The following CHTF18 variants were observed in gnomAD, a reference collection of about 807,000 sequenced individuals.
CHTF18 encodes chromosome transmission fidelity factor 18, also known as chromosome transmission fidelity protein 18 homolog.
In CHTF18, 151 loss-of-function variants were observed where a neutral mutation model predicts 113.4. That is an observed-to-expected ratio of 1.33 (90% CI 1.17 to 1.52). The LOEUF (loss-of-function observed/expected upper bound fraction) is 1.52. Ranked by LOEUF, CHTF18 falls within the 40% of genes most tolerant of loss-of-function variation. The pLI is 0.00. For missense variants in CHTF18, 1,982 were observed against 1,381.6 expected (o/e 1.43, Z -6.89); for synonymous variants, 916 against 598.8 (o/e 1.53, Z -7.74).
chr16:789,230 A>G lies in CHTF18; in HGVS notation c.307A>G (p.Arg103Gly), dbSNP rs1286215303. 1.9e-6 allele frequency: 3 copies of G among 1,552,928 alleles called. No individual in the cohort carries two copies. Among genetic ancestry groups the G allele is most frequent in the Non-Finnish European group, 2.6e-6 (3 of 1,148,674 alleles). Residue 103 changes from arginine to glycine, a missense_variant, in exon 3 of 22, where the codon AGG (arginine) becomes GGG (glycine). Physicochemically the swap from Arg to Gly is moderately radical, Grantham distance 125. Transcript: ENST00000262315. ...LPHAPRIKRP[R>G]LQVVKRLNFR... Reference sequence around the variant, plus strand: ...CCCAGCCCCCAGGATCAAACGGCCTAGGCTGCAGGTGGTCAAGAGGCTGAA... The same window carrying G: ...CCCAGCCCCCAGGATCAAACGGCCTGGGCTGCAGGTGGTCAAGAGGCTGAA...
chr16:789,997 C>G, intron 4 of CHTF18, 180 bp from the exon 5 acceptor site: 1 of 1,535,398 alleles, frequency 6.5e-7, no homozygotes, highest in South Asian at 1.2e-5. Flanking sequence ...CCCCCAATTT[C>G]CCTTTGCAGC....
intron 4 of CHTF18, 81 bp from the exon 5 acceptor site, chr16:790,096 G>C (rs565158159): frequency 2.6e-6 from 4 of 1,540,004 alleles, no homozygotes; most frequent in Non-Finnish European, 3.5e-6. Context: ...TCCCACCCGG[G>C]TCCCTGAGCA....
At position 794,217 on chromosome 16, in the gene CHTF18, C is replaced by T; in HGVS notation, c.1950+16C>T. ...GGTGGTCCAGGTACCTGTCTTCCAC[C>T]AAAATGCCTGCCTGGGGCCGCCTGG... is the stretch of plus-strand genomic sequence containing the variant. On this transcript the variant is annotated intron_variant, in intron 15 of 21. Transcript: ENST00000262315. The T allele has an allele frequency of 1.9e-6, 3 of 1,606,812 alleles. No individual in the cohort carries two copies. The highest frequency in any genetic ancestry group is 1.7e-6 in the Non-Finnish European group (2 of 1,175,378).
At chr16:794,822 C>G (rs540684684) in intron 15 of CHTF18, 7 of 423,402 alleles carry the variant, frequency 1.7e-5, no homozygotes, top group Non-Finnish European at 3.0e-5. Context: ...GGCTGGATCC[C>G]TTTGGTTCCT....
chr16:790,114 G>A (rs2042145497), intron 4 of CHTF18, 63 bp from the exon 5 acceptor site: 1 of 1,544,046 alleles, frequency 6.5e-7, no homozygotes, highest in Non-Finnish European at 8.7e-7. Context: ...GCACTGATGG[G>A]GGCTGACGTG....
rs375988870 is a variant in CHTF18, at chr16:795,230, G to T, written c.2049G>T (p.Ala683=). 1 of 1,551,062 alleles carries T rather than the reference G, an allele frequency of 6.4e-7. No individual in the cohort carries two copies. Among genetic ancestry groups the T allele is most frequent in the Non-Finnish European group, 8.7e-7 (1 of 1,147,738 alleles). The change falls in exon 16 of 22, where the codon GCG becomes GCT. Residue 683 remains alanine, a synonymous_variant. Transcript: ENST00000262315. The part of the protein sequence containing the change: ...LDWLAFDDLL[A]GAAHHSQSFQ... ...GGCTGGCCTTCGATGACCTGCTGGC[G>T]GGGGCTGCTCATCACAGCCAGAGCT...
Position 792,215 on chromosome 16 carries a change from C to G in CHTF18, c.1203-9C>G. On this transcript the variant is annotated splice_polypyrimidine_tract_variant and intron_variant, in intron 9 of 21. Coordinates refer to ENST00000262315, the MANE Select transcript of CHTF18 (RefSeq NM_022092.3). Reference sequence around the variant, plus strand: ...ACTGCCCTGACGACCCCTGACCTCCCCATTGCAGTGACGACCGTAGCCCGG... The same window carrying G: ...ACTGCCCTGACGACCCCTGACCTCCGCATTGCAGTGACGACCGTAGCCCGG... 6.4e-7 allele frequency: 1 copy of G among 1,571,052 alleles called. No homozygotes were observed.
chr16:792,071 G>A, intron 9 of CHTF18, 123 bp downstream of exon 9: 2 of 1,535,674 alleles, frequency 1.3e-6, no homozygotes, highest in Non-Finnish European at 1.8e-6. Context: ...TGGGTGTGTG[G>A]GCCGGGAAAA....
Position 791,916 on chromosome 16 carries a change from C to G in CHTF18, c.1170C>G (p.His390Gln), listed in dbSNP as rs375383139. 1 of 1,609,834 alleles carries G rather than the reference C, an allele frequency of 6.2e-7. No individual in the cohort carries two copies. Among genetic ancestry groups the G allele is most frequent in the Non-Finnish European group, 8.5e-7 (1 of 1,178,736 alleles). Residue 390 changes from histidine to glutamine, a missense_variant, in exon 9 of 22, where the codon CAC becomes CAG. His to Gln is a conservative substitution (Grantham distance 24). Transcript: ENST00000262315. ...CCCTGGCACACGTGATTGCGCGTCA[C>G]GCGGGGTACTCTGTGGTGGAGATGA... ...KTTLAHVIAR[H>Q]AGYSVVEMNA...
intron 7 of CHTF18, 159 bp downstream of exon 7, chr16:790,825 G>A (rs1004037502): frequency 7.0e-7 from 1 of 1,433,194 alleles, no homozygotes; most frequent in South Asian, 1.5e-5. Flanking sequence ...CTGAGCACAG[G>A]GCTGTGTGCT....
intron 13 of CHTF18, 28 bp downstream of exon 13, chr16:793,092 G>C: frequency 6.4e-7 from 1 of 1,566,946 alleles, no homozygotes; most frequent in Non-Finnish European, 8.6e-7. Context: ...ACCGGGTGGG[G>C]TGGGGTGGGG....
At position 792,787 on chromosome 16, in the gene CHTF18, G is replaced by C; in HGVS notation, c.1548G>C (p.Ser516=). ...FLLHFPPTLP[S]RLVQRLQEVS... is the part of the protein sequence containing the mutation. The stretch of plus-strand genomic sequence containing the variant: ...TCCACTTCCCGCCGACTCTGCCCTC[G>C]AGGCTGGTGCAGCGGCTCCAGGAGG... Residue 516 remains serine (S), a synonymous_variant, in exon 12 of 22, where the codon TCG becomes TCC. Coordinates refer to ENST00000262315, the MANE Select transcript of CHTF18 (RefSeq NM_022092.3). The C allele has an allele frequency of 1.9e-6, 3 of 1,544,030 alleles. No homozygotes were observed. Among genetic ancestry groups the C allele is most frequent in the Non-Finnish European group, 2.6e-6 (3 of 1,148,824 alleles).
intron 7 of CHTF18, 161 bp from the exon 8 acceptor site, chr16:790,976 CCAGAGCCGTGGGGGTGGAGCCCCT>C (rs2042180646): frequency 6.9e-7 from 1 of 1,446,936 alleles, no homozygotes; most frequent in South Asian, 1.4e-5. Flanking sequence ...TGGGTTGTGG[CCAGAGCCGTGGGGGTGGAGCCCCT>C]GGTGTGAGCC....
chr16:796,047 C>T lies in CHTF18; in HGVS notation c.2426C>T (p.Pro809Leu), dbSNP rs2042336869. 4.4e-6 allele frequency: 7 copies of T among 1,604,826 alleles called. No individual in the cohort carries two copies. The highest frequency in any genetic ancestry group is 2.2e-5 in the South Asian group (2 of 89,394). Residue 809 changes from proline (P) to leucine (L), a missense_variant, in exon 18 of 22, where the codon CCC (proline) becomes CTC (leucine). By Grantham distance (98) the Pro-to-Leu change is moderately conservative. Coordinates refer to ENST00000262315, the MANE Select transcript of CHTF18 (RefSeq NM_022092.3). The part of the protein sequence containing the change: ...YSLTYRQERT[P>L]DGQYIYRLEP... The stretch of plus-strand genomic sequence containing the variant: ...CTGACCTACCGCCAGGAGCGCACGC[C>T]CGATGGCCAGTACATCTACAGGCTG...
intron 17 of CHTF18, 24 bp from the exon 18 acceptor site, chr16:795,923 T>C: frequency 1.9e-6 from 3 of 1,602,802 alleles, no homozygotes; most frequent in South Asian, 1.1e-5. Flanking sequence ...CTCAGCTCCC[T>C]GTCTGCTGCC....
In CHTF18 at chr16:790,355, G is replaced by T. The variant is rs1414281594; in HGVS notation, c.708G>T (p.Glu236Asp). ...LKKQVDGERR[E>D]RLLQEAQKLS... ...GCCTGTTGTTTGCACAGCGGCGGGA[G>T]CGGCTGCTTCAGGAGGCCCAGAAGC... is the stretch of plus-strand genomic sequence containing the variant. The change falls in exon 6 of 22, where the codon GAG becomes GAT. Residue 236 changes from glutamate (E) to aspartate (D), a missense_variant. Transcript: ENST00000262315. 1.9e-6 allele frequency: 3 copies of T among 1,611,308 alleles called. No homozygotes were observed. The highest frequency in any genetic ancestry group is 2.7e-5 in the African/African-American group (2 of 75,038).
In CHTF18 at chr16:796,708, G is replaced by A; in HGVS notation, c.2457-9G>A. 1.3e-6 allele frequency: 2 copies of A among 1,595,286 alleles called. No individual in the cohort carries two copies. The highest frequency in any genetic ancestry group is 1.1e-5 in the South Asian group (1 of 90,590). ...CTGACCTGCCCTGGTGTCCCCCTGT[G>A]CTGAGCAGGAACGTGGAGGAACTCT... On this transcript the variant is annotated splice_polypyrimidine_tract_variant and intron_variant, in intron 18 of 21. Coordinates refer to ENST00000262315, the MANE Select transcript of CHTF18 (RefSeq NM_022092.3).
intron 15 of CHTF18, 33 bp from the exon 16 acceptor site, chr16:795,099 G>A: frequency 6.7e-7 from 1 of 1,499,432 alleles, no homozygotes; most frequent in South Asian, 1.3e-5. Flanking sequence ...CCCTGGGGTG[G>A]GCAGGAGCTC....
chr16:795,121 G>A lies in CHTF18; in HGVS notation c.1951-11G>A, dbSNP rs2042300440. On this transcript the variant is annotated splice_polypyrimidine_tract_variant and intron_variant, in intron 15 of 21. Transcript: ENST00000262315. ...GTGGGCAGGAGCTCAGGGGTTGCCG[G>A]CCGCCTGCAGGGCTTGTTTGACAAC... 6.5e-7 allele frequency: 1 copy of A among 1,537,788 alleles called. No individual in the cohort carries two copies. Among genetic ancestry groups the A allele is most frequent in the Non-Finnish European group, 8.8e-7 (1 of 1,140,578 alleles).
Sources: allele counts gnomAD v4.1 joint callset, GRCh38; gene constraint gnomAD v4.1.1; transcripts MANE v1.5; gene names NCBI Gene and HGNC (gene_info 2026-07-23, HGNC 2026-07-21).